The following ATG7 variants were observed in gnomAD, a reference collection of about 807,000 sequenced individuals.
ATG7 encodes the protein ubiquitin-like modifier-activating enzyme ATG7.
ATG7 carries 70 observed loss-of-function variants against 82.4 expected under a neutral mutation model. That is an observed-to-expected ratio of 0.85 (90% CI 0.70 to 1.04). ATG7 has a LOEUF of 1.04. Among genes scored for constraint, ATG7 ranks in the 50% least tolerant of loss-of-function variants. The pLI is 0.00. For synonymous variants in ATG7, 287 were observed against 313.0 expected, an observed-to-expected ratio of 0.92 and a Z score of 0.88; for missense variants, 792 against 864.3, an observed-to-expected ratio of 0.92 and a Z score of 1.05.
rs1953418414 is a variant in ATG7 at position 11,340,705 on chromosome 3, T to A, written c.950T>A (p.Val317Glu). The A allele has an allele frequency of 6.2e-7, 1 of 1,613,770 alleles. No individual in the cohort carries two copies. Among genetic ancestry groups the A allele is most frequent in the Admixed American group, 1.7e-5 (1 of 59,992 alleles). The change falls in exon 12 of 21, where the codon GTG (valine) becomes GAG (glutamate). Residue 317 changes from valine (V) to glutamate (E), a missense_variant. By Grantham distance (121) the Val-to-Glu change is moderately radical. Coordinates refer to ENST00000693202, the MANE Select transcript of ATG7 (RefSeq NM_001349232.2). ...NQKGGMGPRM[V>E]NLSECMDPKR... is the part of the protein sequence containing the mutation. ...AAAGGAGGCATGGGACCAAGGATGG[T>A]GAACCTCAGTGAATGTATGGACCCT...
chr3:11,369,630 G>C lies in ATG7; in HGVS notation c.1875+4896G>C, dbSNP rs910786635. 6.0e-5 allele frequency among the ~76,000 whole-genome samples: 9 copies of C among 151,132 alleles called. 1 individual carries two copies. Among genetic ancestry groups the C allele is most frequent in the Non-Finnish European group, 1.0e-4 (7 of 67,768 alleles). On this transcript the variant is annotated intron_variant, in intron 18 of 20. Coordinates refer to ENST00000693202, the MANE Select transcript of ATG7 (RefSeq NM_001349232.2). ...GGCCTCTGAATACAAGGAAGGATCC[G>C]GGTATAGGTCTAACAATGTCTGGGC...
intron 19 of ATG7, among the ~76,000 whole-genome samples, chr3:11,423,619 C>CT (rs929758051): frequency 2.7e-4 from 41 of 149,228 alleles, no homozygotes; most frequent in Middle Eastern, 3.4e-3. Flanking sequence ...TATTAAATGC[C>CT]TTTTTTTTTT....
At chr3:11,277,906 C>G (rs956719034) in intron 1 of ATG7, among the ~76,000 whole-genome samples, 1 of 135,778 alleles carries the variant, frequency 7.4e-6, no homozygotes, top group Non-Finnish European at 1.6e-5. Flanking sequence ...CCCCCCCCCA[C>G]CAGGAATGCA....
At chr3:11,552,724 T>A (rs2071927805) in intron 20 of ATG7, among the ~76,000 whole-genome samples, 1 of 152,122 alleles carries the variant, frequency 6.6e-6, no homozygotes, top group Non-Finnish European at 1.5e-5. Flanking sequence ...TCTCGCAGGA[T>A]CCCCTGCACA....
chr3:11,275,515 A>ATTT lies in ATG7; in HGVS notation c.-366+3107_-366+3109dup, dbSNP rs34040398. 3.6e-3 allele frequency among the ~76,000 whole-genome samples: 389 copies of ATTT among 109,160 alleles called. 9 individuals carry two copies. Among genetic ancestry groups the ATTT allele is most frequent in the African/African-American group, 0.013 (336 of 25,718 alleles). 71.6% of individuals were successfully genotyped at this position (109,160 alleles called of 152,430 possible). ...AGGTGCCCACCACCATGCCCGGCTAATTTTTTTTTTTTTTTTTTTTTTTTA... is the reference window on the plus strand; with the variant it reads ...AGGTGCCCACCACCATGCCCGGCTAATTTTTTTTTTTTTTTTTTTTTTTTTTTA... On this transcript the variant is annotated intron_variant, in intron 1 of 20. Transcript: ENST00000693202.
At chr3:11,480,907 C>G (rs753722751) in intron 20 of ATG7, among the ~76,000 whole-genome samples, 10 of 152,220 alleles carry the variant, frequency 6.6e-5, no homozygotes, top group Non-Finnish European at 1.2e-4. Context: ...CCTGCTAATA[C>G]ATCTGAGGAG....
chr3:11,562,112 G>A (rs760224420), downstream of ATG7, among the ~76,000 whole-genome samples: 8 of 151,974 alleles, frequency 5.3e-5, no homozygotes, highest in Non-Finnish European at 1.0e-4. Context: ...TGGCCAGGCT[G>A]GTCTCGAAAT....
At chr3:11,299,243 A>G (rs2152691013) in intron 4 of ATG7, 119 bp from the exon 5 acceptor site, 1 of 943,662 alleles carries the variant, frequency 1.1e-6, no homozygotes, top group Admixed American at 1.8e-5. Flanking sequence ...ATAGATAATC[A>G]GAAATTGGAT....
intron 9 of ATG7, among the ~76,000 whole-genome samples, chr3:11,318,477 A>G (rs1174538135): frequency 6.6e-6 from 1 of 152,238 alleles, no homozygotes; most frequent in Non-Finnish European, 1.5e-5. Context: ...GAAGCCTTAG[A>G]GCATGATGGC....
the ATG7 span, among the ~76,000 whole-genome samples, chr3:11,573,733 T>C: frequency 0.26 from 39,979 of 152,182 alleles, 5,252 homozygotes; most frequent in East Asian, 0.38. Context: ...CTGACCATTC[T>C]ACTTTATGCT....
At chr3:11,299,673 G>C (rs1017083837) in intron 5 of ATG7, among the ~76,000 whole-genome samples, 1 of 152,124 alleles carries the variant, frequency 6.6e-6, no homozygotes, top group African/African-American at 2.4e-5. Flanking sequence ...TTGAGACATA[G>C]ATAATATCCC....
chr3:11,561,310 G>A (rs1467692331), downstream of ATG7, among the ~76,000 whole-genome samples: 1 of 152,110 alleles, frequency 6.6e-6, no homozygotes, highest in Non-Finnish European at 1.5e-5. Flanking sequence ...TCTATCCAAG[G>A]CAGGAAAGGC....
intron 20 of ATG7, among the ~76,000 whole-genome samples, chr3:11,465,851 G>A (rs1011979130): frequency 6.6e-6 from 1 of 152,186 alleles, no homozygotes; most frequent in Admixed American, 6.5e-5. Context: ...GGGATAAGAA[G>A]AAGGGGAGAG....
At chr3:11,494,530 C>T (rs1438981233) in intron 20 of ATG7, among the ~76,000 whole-genome samples, 1 of 152,178 alleles carries the variant, frequency 6.6e-6, no homozygotes, top group Non-Finnish European at 1.5e-5. Flanking sequence ...ATGGGCTGTT[C>T]TGTATGTGAG....
At chr3:11,499,984 C>T (rs906680321) in intron 20 of ATG7, among the ~76,000 whole-genome samples, 7 of 152,084 alleles carry the variant, frequency 4.6e-5, no homozygotes, top group Admixed American at 2.0e-4. Context: ...GGGCCACAAA[C>T]GCCACAAGTT....
chr3:11,524,879 G>T (rs1319395977), intron 20 of ATG7, among the ~76,000 whole-genome samples: 1 of 152,136 alleles, frequency 6.6e-6, no homozygotes, highest in African/African-American at 2.4e-5. Context: ...GTGAGGTTCT[G>T]TGTCTTACAG....
In ATG7 at chr3:11,308,971, C is replaced by A. The variant is rs759564092; in HGVS notation, c.334-13C>A. ...CCTGGTAACCTGCCTTGATGCTTTT[C>A]TTCTTCTTGCAGATATGGGAATCCA... is the stretch of plus-strand genomic sequence containing the variant. On this transcript the variant is annotated splice_polypyrimidine_tract_variant and intron_variant, in intron 6 of 20. Coordinates refer to ENST00000693202, the MANE Select transcript of ATG7 (RefSeq NM_001349232.2). The A allele has an allele frequency of 6.2e-7, 1 of 1,611,214 alleles. No homozygotes were observed.
At chr3:11,512,131 T>C (rs2092095865) in intron 20 of ATG7, among the ~76,000 whole-genome samples, 1 of 152,192 alleles carries the variant, frequency 6.6e-6, no homozygotes, top group African/African-American at 2.4e-5. Context: ...GCGAGGGCTC[T>C]GAGGACTGCC....
At chr3:11,444,896 G>A (rs948080969) in intron 20 of ATG7, among the ~76,000 whole-genome samples, 36 of 152,080 alleles carry the variant, frequency 2.4e-4, no homozygotes, top group African/African-American at 8.7e-4. Context: ...AGTGGGCAAA[G>A]GACATAAACA....
Sources: gnomAD v4.1 joint callset for allele counts (sites outside exome capture counted in the v4.1 genomes callset) on GRCh38, gnomAD v4.1.1 for gene constraint, MANE v1.5 for transcripts, NCBI Gene and HGNC (gene_info 2026-07-23, HGNC 2026-07-21) for gene names.